INTS7: variants seen among roughly 807,000 people sequenced by gnomAD.
INTS7 encodes chromosome 1 open reading frame 73.
A neutral mutation model predicts 109.2 loss-of-function variants in INTS7; 46 were observed. The ratio of observed to expected loss-of-function variants is 0.42; its 90% CI spans 0.33 to 0.54. The LOEUF (loss-of-function observed/expected upper bound fraction) is 0.54. Ranked by LOEUF, INTS7 falls within the 20% of genes least tolerant of loss-of-function variation. The pLI is 0.07. For synonymous variants in INTS7, 412 were observed against 402.9 expected, an observed-to-expected ratio of 1.02 and a Z score of -0.27; for missense variants, 929 against 1,132.4, an observed-to-expected ratio of 0.82 and a Z score of 2.58.
At chr1:211,971,836 A>G (rs1664183413) in intron 13 of INTS7, among the ~76,000 whole-genome samples, 1 of 148,918 alleles carries the variant, frequency 6.7e-6, no homozygotes, top group Non-Finnish European at 1.5e-5. Context: ...GAATCACTTG[A>G]ACCTGGGAGG....
intron 3 of INTS7, among the ~76,000 whole-genome samples, chr1:212,019,465 C>T (rs1444496244): frequency 1.3e-5 from 2 of 152,004 alleles, no homozygotes; most frequent in Non-Finnish European, 2.9e-5. Flanking sequence ...CCCAAACTTC[C>T]TGGTTAAAAA....
intron 13 of INTS7, among the ~76,000 whole-genome samples, chr1:211,969,398 T>A (rs1345797453): frequency 6.6e-6 from 1 of 151,810 alleles, no homozygotes; most frequent in Non-Finnish European, 1.5e-5. Flanking sequence ...TTCCCATCAC[T>A]GGAACCTTGT....
chr1:211,990,946 A>G (rs1006828666), intron 7 of INTS7, among the ~76,000 whole-genome samples: 2 of 152,256 alleles, frequency 1.3e-5, no homozygotes, highest in African/African-American at 4.8e-5. Flanking sequence ...TAAAGTTAAC[A>G]AAGAGAACTG....
At chr1:211,979,913 T>C (rs763479203) in intron 10 of INTS7, among the ~76,000 whole-genome samples, 1 of 152,192 alleles carries the variant, frequency 6.6e-6, no homozygotes, top group Non-Finnish European at 1.5e-5. Context: ...TTTTGTGAAA[T>C]ATCAGAGAAT....
At position 211,987,225 on chromosome 1, in the gene INTS7, A is replaced by G. The variant is rs371504510; in HGVS notation, c.997+661T>C. ...GGCAAGAGAATTTCTTGAAACTAGGAGGTGGGGGTTGTAGTAAGCCAAGAT... is the reference window on the plus strand; with the variant it reads ...GGCAAGAGAATTTCTTGAAACTAGGGGGTGGGGGTTGTAGTAAGCCAAGAT... On this transcript the variant is annotated intron_variant, in intron 8 of 19. Coordinates refer to ENST00000366994, the MANE Select transcript of INTS7 (RefSeq NM_015434.4). 2.6e-5 allele frequency among the ~76,000 whole-genome samples: 4 copies of G among 152,136 alleles called. No individual in the cohort carries two copies. The East Asian group carries it at 7.8e-4, about 30-fold the overall frequency.
chr1:211,967,921 C>T lies in INTS7; in HGVS notation c.2071G>A (p.Ala691Thr), dbSNP rs763057674. Reference sequence around the variant, plus strand: ...GTTGCTGAGTCAGCATCAAAAGATGCCTGGTAAAGATCTCCATATCGAGAA... The same window carrying T: ...GTTGCTGAGTCAGCATCAAAAGATGTCTGGTAAAGATCTCCATATCGAGAA... ...LASRYGDLYQ[A>T]SFDADSATLR... The change falls in exon 15 of 20, where the codon GCA becomes ACA. Residue 691 changes from alanine (A) to threonine (T), a missense_variant. Ala to Thr is a moderately conservative substitution (Grantham distance 58). This residue lies in a region of INTS7 where 787 missense variants were observed against 901.1 expected (regional missense o/e 0.87). Transcript: ENST00000366994. 1 of 1,609,200 alleles carries T rather than the reference C, an allele frequency of 6.2e-7. No individual in the cohort carries two copies. Among genetic ancestry groups the T allele is most frequent in the Non-Finnish European group, 8.5e-7 (1 of 1,177,502 alleles).
At chr1:211,966,753 GC>G (rs1663899372) in intron 15 of INTS7, among the ~76,000 whole-genome samples, 1 of 152,080 alleles carries the variant, frequency 6.6e-6, no homozygotes, top group South Asian at 2.1e-4. Context: ...CAAGTGATAG[GC>G]CCCGTGATTC....
At chr1:211,977,802 C>T (rs1457946200) in intron 11 of INTS7, among the ~76,000 whole-genome samples, 1 of 152,134 alleles carries the variant, frequency 6.6e-6, no homozygotes, top group Non-Finnish European at 1.5e-5. Context: ...AAACTGGATC[C>T]TAAACAGCTA....
At chr1:212,009,179 A>G (rs548316909) in intron 5 of INTS7, among the ~76,000 whole-genome samples, 98 of 152,010 alleles carry the variant, frequency 6.4e-4, no homozygotes, top group African/African-American at 2.2e-3. Flanking sequence ...TTAGGTTCCA[A>G]TTTTCCTCCA....
At chr1:212,018,148 CTT>C (rs1471718871) in intron 3 of INTS7, among the ~76,000 whole-genome samples, 2 of 152,120 alleles carry the variant, frequency 1.3e-5, no homozygotes, top group African/African-American at 4.8e-5. Flanking sequence ...TTTTACTACT[CTT>C]TTAAATGAAA....
chr1:211,962,830 T>C (rs1335692828), intron 16 of INTS7, among the ~76,000 whole-genome samples: 4 of 152,104 alleles, frequency 2.6e-5, no homozygotes, highest in African/African-American at 7.2e-5. Flanking sequence ...TTGAAACTAA[T>C]GAAAACAAAG....
chr1:211,942,223 T>A lies in INTS7; in HGVS notation c.2602-112A>T. ...TTAGACCATGCAGACAATAAAAAAT[T>A]AGGTACTGCTATCATCCTTGCTTCA... On this transcript the variant is annotated intron_variant, in intron 19 of 19. Transcript: ENST00000366994. This position sits in a 1 kb window ranked among gnomAD's most constrained non-coding sequence, Gnocchi z 4.2. 9.0e-7 allele frequency: 1 copy of A among 1,112,320 alleles called. No individual in the cohort carries two copies. The highest frequency in any genetic ancestry group is 1.3e-6 in the Non-Finnish European group (1 of 770,870). The allele number at this position is 1,112,320 out of a possible 1,614,324, so 68.9% of individuals were successfully genotyped here.
chr1:211,993,019 C>T (rs1391700106), intron 7 of INTS7, among the ~76,000 whole-genome samples: 2 of 152,162 alleles, frequency 1.3e-5, no homozygotes, highest in Non-Finnish European at 2.9e-5. Flanking sequence ...TGGGTCAATC[C>T]CTAAATAGGG....
intron 16 of INTS7, among the ~76,000 whole-genome samples, chr1:211,956,435 T>C (rs1278331158): frequency 6.6e-6 from 1 of 152,198 alleles, no homozygotes; most frequent in Non-Finnish European, 1.5e-5. Context: ...TATATTTATA[T>C]ATATTGTTGG....
chr1:211,965,711 A>C lies in INTS7; in HGVS notation c.2183+719T>G, dbSNP rs1663843332. Among the ~76,000 whole-genome samples, 3 of 152,278 alleles carry C rather than the reference A, an allele frequency of 2.0e-5. No homozygotes were observed. The South Asian group carries it at 6.2e-4, about 32-fold the overall frequency. On this transcript the variant is annotated intron_variant, in intron 16 of 19. Transcript: ENST00000366994. ...ACGCAGGAACAGAAAACCAAATACCACACGTTCTCACTTAGAAGTGGGAGA... is the reference window on the plus strand; with the variant it reads ...ACGCAGGAACAGAAAACCAAATACCCCACGTTCTCACTTAGAAGTGGGAGA...
chr1:212,034,911 G>A (rs1036763309), intron 1 of INTS7, among the ~76,000 whole-genome samples: 12 of 152,200 alleles, frequency 7.9e-5, no homozygotes, highest in African/African-American at 2.7e-4. Flanking sequence ...TAACCCGCAG[G>A]TAACAGAGCT....
intron 17 of INTS7, among the ~76,000 whole-genome samples, chr1:211,950,515 G>A (rs1426752325): frequency 6.6e-6 from 1 of 152,080 alleles, no homozygotes; most frequent in Non-Finnish European, 1.5e-5. Context: ...CAGGTGATCC[G>A]CCCACCTTGG....
At chr1:211,993,038 T>C (rs932696632) in intron 7 of INTS7, among the ~76,000 whole-genome samples, 4 of 152,330 alleles carry the variant, frequency 2.6e-5, no homozygotes, top group African/African-American at 9.6e-5. Context: ...GGGCTTCTCC[T>C]ACACCCTGGA....
At position 211,976,611 on chromosome 1, in the gene INTS7, A is replaced by G; in HGVS notation, c.1579T>C (p.Tyr527His). The stretch of plus-strand genomic sequence containing the variant: ...CTGGAAGCCTGTCTGGCAATACGGT[A>G]TACAGTCCATCCATTGGAGACACTT... Reference protein sequence around the residue: ...LESVSNGWTVYRIARQASRMG... With the variant: ...LESVSNGWTVHRIARQASRMG... Residue 527 changes from tyrosine (Y) to histidine (H), a missense_variant, in exon 12 of 20, where the codon TAC becomes CAC. This residue lies in a region of INTS7 where 787 missense variants were observed against 901.1 expected (regional missense o/e 0.87). Coordinates refer to ENST00000366994, the MANE Select transcript of INTS7 (RefSeq NM_015434.4). The G allele has an allele frequency of 6.2e-7, 1 of 1,614,052 alleles. No individual in the cohort carries two copies. The highest frequency in any genetic ancestry group is 8.5e-7 in the Non-Finnish European group (1 of 1,179,918).
Sources: gnomAD v4.1 joint callset for allele counts (sites outside exome capture counted in the v4.1 genomes callset) on GRCh38, gnomAD v4.1.1 for gene constraint, gnomAD v4.1.1 regional missense constraint, Gnocchi (gnomAD v3.1) non-coding constraint, MANE v1.5 for transcripts, NCBI Gene and HGNC (gene_info 2026-07-23, HGNC 2026-07-21) for gene names.